The following NBPF11 variants were observed in gnomAD, a reference collection of about 807,000 sequenced individuals.
NBPF11 encodes NBPF family member NBPF11.
In NBPF11, 72 loss-of-function variants were observed where a neutral mutation model predicts 93.9. That is an observed-to-expected ratio of 0.77 (90% CI 0.63 to 0.93). NBPF11 has a LOEUF of 0.93. Among genes scored for constraint, NBPF11 ranks in the 40% least tolerant of loss-of-function variants. The pLI is 0.00. For missense variants in NBPF11, 705 were observed against 802.2 expected (o/e 0.88, Z 1.46); for synonymous variants, 224 against 304.9 (o/e 0.73, Z 2.76).
intron 6 of NBPF11, 27 bp from the exon 7 acceptor site, chr1:148,124,094 A>C: frequency 6.2e-7 from 1 of 1,609,734 alleles, no homozygotes; most frequent in Non-Finnish European, 8.5e-7. Flanking sequence ...GAGAAAATTT[A>C]ACAGTGAAAA....
intron 1 of NBPF11, among the ~76,000 whole-genome samples, chr1:148,146,123 C>T (rs1402640881): frequency 3.3e-5 from 5 of 151,764 alleles, no homozygotes; most frequent in Admixed American, 3.3e-4. Context: ...AGCCATGGAG[C>T]GCGGCCCTGG....
At chr1:148,129,117 GTGT>G (rs1669771041) in intron 4 of NBPF11, among the ~76,000 whole-genome samples, 1 of 143,380 alleles carries the variant, frequency 7.0e-6, no homozygotes, top group Non-Finnish European at 1.5e-5. Flanking sequence ...ATATATACAC[GTGT>G]ATATGTATTA....
rs1662917420 is a variant in NBPF11, at chr1:148,103,994, A to C, written c.2582-82T>G. 6.8e-6 allele frequency: 11 copies of C among 1,608,954 alleles called. No homozygotes were observed. The South Asian group carries it at 8.8e-5, about 13-fold the overall frequency. ...CCCACTAGATTTCAGAAGTAACATA[A>C]GGAAGTGGTTGGAAAAGAAAAAGGA... is the stretch of plus-strand genomic sequence containing the variant. On this transcript the variant is annotated intron_variant, in intron 23 of 23. Coordinates refer to ENST00000682118, the MANE Select transcript of NBPF11 (RefSeq NM_001385469.3).
chr1:148,128,885 GT>G (rs1669681979), intron 4 of NBPF11, among the ~76,000 whole-genome samples: 1 of 147,678 alleles, frequency 6.8e-6, no homozygotes, highest in African/African-American at 2.5e-5. Flanking sequence ...TGGTGTCTTT[GT>G]TTTTAAAACA....
chr1:148,121,494 C>G (rs1357055966), intron 9 of NBPF11, among the ~76,000 whole-genome samples: 2 of 151,134 alleles, frequency 1.3e-5, no homozygotes, highest in African/African-American at 2.4e-5. Flanking sequence ...ACTACAGGCG[C>G]CCACCACCGC....
rs1287467784 is a variant in NBPF11 at position 148,122,081 on chromosome 1, C to T, written c.752G>A (p.Cys251Tyr). The stretch of plus-strand genomic sequence containing the variant: ...TGGGAGAATGTTTAGAGCATCCTGA[C>T]ATCCATCATGAGAGGATTCTCTGTC... ...VVDRESSHDG[C>Y]QDALNILPVP... Residue 251 changes from cysteine (C) to tyrosine (Y), a missense_variant, in exon 9 of 24, where the codon TGT becomes TAT. This residue lies in a region of NBPF11 where 262 missense variants were observed against 223.1 expected (regional missense o/e 1.17). Coordinates refer to ENST00000682118, the MANE Select transcript of NBPF11 (RefSeq NM_001385469.3). The T allele has an allele frequency of 4.2e-4, 685 of 1,611,900 alleles. 18 individuals carry two copies. In the African/African-American group the frequency reaches 8.1e-3, roughly 19 times the overall value.
At chr1:148,121,518 C>T (rs28698444) in intron 9 of NBPF11, among the ~76,000 whole-genome samples, 5 of 146,398 alleles carry the variant, frequency 3.4e-5, no homozygotes, top group East Asian at 2.0e-4. Flanking sequence ...CAGCTAATTT[C>T]TTTTTTTTTT....
Position 148,108,658 on chromosome 1 carries a change from G to T in NBPF11, c.1854-4C>A, listed in dbSNP as rs1280620302. On this transcript the variant is annotated splice_polypyrimidine_tract_variant and splice_region_variant and intron_variant, in intron 17 of 23. Coordinates refer to ENST00000682118, the MANE Select transcript of NBPF11 (RefSeq NM_001385469.3). Reference sequence around the variant, plus strand: ...ATCCAGCAGCTCCCTGCTGAGCCTGGAAAAGTGGGAAAAAGTAAAGAATAA... The same window carrying T: ...ATCCAGCAGCTCCCTGCTGAGCCTGTAAAAGTGGGAAAAAGTAAAGAATAA... 1.9e-4 allele frequency: 189 copies of T among 988,024 alleles called. 2 individuals are homozygous for T. The South Asian group carries it at 2.2e-3, about 12-fold the overall frequency. 61.2% of individuals were successfully genotyped at this position (988,024 alleles called of 1,614,324 possible). A position where few individuals can be genotyped will look rare whatever the true frequency, so the allele number is the denominator to read the frequency against.
chr1:148,131,038 G>A lies in NBPF11; in HGVS notation c.-35-4000C>T, dbSNP rs1206606380. The stretch of plus-strand genomic sequence containing the variant: ...TTATTGGACATTTCTATCATTCCAC[G>A]TTTGGGCTATTATGAAGAAACTATC... On this transcript the variant is annotated intron_variant, in intron 4 of 23. Coordinates refer to ENST00000682118, the MANE Select transcript of NBPF11 (RefSeq NM_001385469.3). Among the ~76,000 whole-genome samples, 59 of 151,168 alleles carry A rather than the reference G, an allele frequency of 3.9e-4. 1 individual carries two copies. The South Asian group carries it at 9.6e-3, about 25-fold the overall frequency.
intron 1 of NBPF11, chr1:148,149,539 C>T: frequency 6.3e-7 from 1 of 1,594,044 alleles, no homozygotes; most frequent in East Asian, 2.2e-5. Context: ...GCTTCATCTC[C>T]CAGGAGCTGC....
chr1:148,148,233 C>T (rs1275698529), intron 1 of NBPF11, among the ~76,000 whole-genome samples: 9 of 152,238 alleles, frequency 5.9e-5, no homozygotes, highest in East Asian at 3.8e-4. Context: ...AGGCCAGGGA[C>T]GGGGACAGCC....
chr1:148,145,398 G>C (rs1672838850), intron 1 of NBPF11, among the ~76,000 whole-genome samples: 1 of 140,270 alleles, frequency 7.1e-6, no homozygotes, highest in Non-Finnish European at 1.5e-5. Flanking sequence ...TTTTAGTAGA[G>C]ACGGGGTTTC....
chr1:148,122,067 T>G lies in NBPF11; in HGVS notation c.766A>C (p.Asn256His), dbSNP rs1668003062. 6.2e-7 allele frequency: 1 copy of G among 1,609,228 alleles called. No individual in the cohort carries two copies. The highest frequency in any genetic ancestry group is 1.3e-5 in the African/African-American group (1 of 74,604). Residue 256 changes from asparagine to histidine, a missense_variant, in exon 9 of 24, where the codon AAC (asparagine) becomes CAC (histidine). This residue lies in a region of NBPF11 where 262 missense variants were observed against 223.1 expected (regional missense o/e 1.17). Transcript: ENST00000682118. Reference sequence around the variant, plus strand: ...AAATAGAGGCTACCTGGGAGAATGTTTAGAGCATCCTGACATCCATCATGA... The same window carrying G: ...AAATAGAGGCTACCTGGGAGAATGTGTAGAGCATCCTGACATCCATCATGA... ...SSHDGCQDAL[N>H]ILPVPGPTSS...
chr1:148,122,018 A>G lies in NBPF11; in HGVS notation c.778+37T>C, dbSNP rs1667987141. 3 of 1,209,160 alleles carry G rather than the reference A, an allele frequency of 2.5e-6. No individual in the cohort carries two copies. The Admixed American group carries it at 5.0e-5, about 20-fold the overall frequency. 74.9% of individuals were successfully genotyped at this position (1,209,160 alleles called of 1,614,324 possible). On this transcript the variant is annotated intron_variant, in intron 9 of 23. Coordinates refer to ENST00000682118, the MANE Select transcript of NBPF11 (RefSeq NM_001385469.3). ...CCTCAGAATTGATCTTCCATAGCCT[A>G]GACAGAGGTATGAGACACAAGGAAA...
At chr1:148,135,903 G>C (rs1225555624) in intron 3 of NBPF11, 90 bp from the exon 4 acceptor site, 15 of 924,134 alleles carry the variant, frequency 1.6e-5, no homozygotes, top group East Asian at 2.6e-5. Context: ...CTGTTCACTT[G>C]AGTGCCCTGT....
At chr1:148,127,727 C>T (rs1362296556) in intron 4 of NBPF11, among the ~76,000 whole-genome samples, 3 of 141,528 alleles carry the variant, frequency 2.1e-5, no homozygotes, top group African/African-American at 7.9e-5. Flanking sequence ...ACTGCAAGCT[C>T]TGCCTCCCAG....
intron 6 of NBPF11, among the ~76,000 whole-genome samples, chr1:148,124,424 T>C (rs1393742447): frequency 2.7e-5 from 4 of 148,472 alleles, no homozygotes; most frequent in Admixed American, 6.8e-5. Flanking sequence ...GGCCACTAGA[T>C]ACAAAGCCAT....
chr1:148,121,972 A>C (rs1252817658), intron 9 of NBPF11, 83 bp downstream of exon 9: 11 of 935,622 alleles, frequency 1.2e-5, no homozygotes, highest in Non-Finnish European at 2.0e-5. Context: ...AACAATAACA[A>C]TATGTGTATA....
chr1:148,126,441 G>A (rs1410286260), intron 5 of NBPF11, among the ~76,000 whole-genome samples: 14 of 151,260 alleles, frequency 9.3e-5, no homozygotes, highest in Non-Finnish European at 2.1e-4. Context: ...TTTGCCTGTT[G>A]GGCCTCAACA....
Sources: allele counts gnomAD v4.1 joint callset (sites outside exome capture counted in the v4.1 genomes callset), GRCh38; gene constraint gnomAD v4.1.1; regional missense constraint gnomAD v4.1.1; transcripts MANE v1.5; gene names NCBI Gene and HGNC (gene_info 2026-07-23, HGNC 2026-07-21).